Variants in EPHA6 observed in about 807,000 individuals in gnomAD.
EPHA6 encodes EPH receptor A6, also known as ephrin type-A receptor 6.
Under a neutral mutation model 112.0 loss-of-function variants are expected in EPHA6, and 50 were observed. The observed-to-expected ratio is 0.45, with a 90% CI of 0.36 to 0.56. The LOEUF is 0.56. Ranked by LOEUF, EPHA6 falls within the 20% of genes least tolerant of loss-of-function variation. The pLI is 0.00. For missense variants in EPHA6, 1,280 were observed against 1,417.4 expected (o/e 0.90, Z 1.56); for synonymous variants, 529 against 490.7 (o/e 1.08, Z -1.03).
Position 97,013,606 on chromosome 3 carries a change from G to A in EPHA6, c.1114+25613G>A, listed in dbSNP as rs1004010722. 7.6e-4 allele frequency among the ~76,000 whole-genome samples: 115 copies of A among 152,222 alleles called. 1 individual carries two copies. Among genetic ancestry groups the A allele is most frequent in the African/African-American group, 2.6e-3 (110 of 41,544 alleles). ...TTTATAATTGTGCTGTTGCTTATAT[G>A]AAGGGATGTACACTCACATGGAGGC... On this transcript the variant is annotated intron_variant, in intron 3 of 17. Transcript: ENST00000389672.
At chr3:97,177,790 T>A (rs1293404764) in intron 3 of EPHA6, among the ~76,000 whole-genome samples, 1 of 152,070 alleles carries the variant, frequency 6.6e-6, no homozygotes, top group Non-Finnish European at 1.5e-5. Flanking sequence ...TTGGTTTACA[T>A]TGGCATGGAA....
chr3:96,954,030 A>G (rs1411112696), intron 2 of EPHA6, among the ~76,000 whole-genome samples: 1 of 151,892 alleles, frequency 6.6e-6, no homozygotes, highest in Non-Finnish European at 1.5e-5. Context: ...GTGCCACCAC[A>G]CCTGGCTTAT....
intron 5 of EPHA6, among the ~76,000 whole-genome samples, chr3:97,357,366 C>G (rs1318187637): frequency 1.3e-5 from 2 of 152,046 alleles, no homozygotes; most frequent in Non-Finnish European, 2.9e-5. Context: ...GCCACCATGC[C>G]AAGCTAGTTT....
chr3:97,089,585 G>C (rs1265527974), intron 3 of EPHA6, among the ~76,000 whole-genome samples: 1 of 152,078 alleles, frequency 6.6e-6, no homozygotes, highest in African/African-American at 2.4e-5. Context: ...TCCACACATT[G>C]TTTTCAAAAG....
chr3:97,646,732 A>G (rs2094067604), intron 14 of EPHA6, among the ~76,000 whole-genome samples: 2 of 152,234 alleles, frequency 1.3e-5, no homozygotes, highest in African/African-American at 4.8e-5. Context: ...TGCACTGGGT[A>G]CCTATTTGCC....
intron 15 of EPHA6, among the ~76,000 whole-genome samples, chr3:97,725,472 G>T (rs185724785): frequency 6.6e-6 from 1 of 152,238 alleles, no homozygotes; most frequent in Non-Finnish European, 1.5e-5. Flanking sequence ...CAATGCAGTT[G>T]TGCTATCAGA....
chr3:97,476,547 T>C (rs1369260106), intron 8 of EPHA6, among the ~76,000 whole-genome samples: 1 of 152,128 alleles, frequency 6.6e-6, no homozygotes, highest in Non-Finnish European at 1.5e-5. Flanking sequence ...TAAAATTTAA[T>C]CTACTTAAAA....
chr3:97,309,256 C>T (rs574772767), intron 5 of EPHA6, among the ~76,000 whole-genome samples: 1 of 151,524 alleles, frequency 6.6e-6, no homozygotes, highest in East Asian at 1.9e-4. Flanking sequence ...TTATTTTTCC[C>T]CCAACACTGT....
chr3:97,277,651 A>G, intron 5 of EPHA6, among the ~76,000 whole-genome samples: 1 of 152,338 alleles, frequency 6.6e-6, no homozygotes, highest in Middle Eastern at 3.4e-3. Context: ...GGCAATTGTA[A>G]CACAATGGTA....
intron 12 of EPHA6, among the ~76,000 whole-genome samples, chr3:97,608,333 C>T (rs1338343255): frequency 6.6e-6 from 1 of 151,234 alleles, no homozygotes; most frequent in Non-Finnish European, 1.5e-5. Flanking sequence ...TGTATATTCA[C>T]ATAGATCAGA....
intron 6 of EPHA6, among the ~76,000 whole-genome samples, chr3:97,430,237 C>T (rs9289369): frequency 0.12 from 18,767 of 151,950 alleles, 3,715 homozygotes; most frequent in African/African-American, 0.41. Context: ...TTTTGACACC[C>T]TCATTCTTTG....
intron 3 of EPHA6, among the ~76,000 whole-genome samples, chr3:97,141,367 C>A (rs561002768): frequency 6.6e-6 from 1 of 151,946 alleles, no homozygotes; most frequent in Non-Finnish European, 1.5e-5. Context: ...ACCTATCAGC[C>A]GCAGAATATA....
Position 96,835,008 on chromosome 3 carries a change from A to G in EPHA6, c.385+20000A>G, listed in dbSNP as rs531829389. ...TTAGTCTTTATTTCATTCAGTCATC[A>G]CATCTGAACTAAGAAATAGTTCATG... On this transcript the variant is annotated intron_variant, in intron 1 of 17. Coordinates refer to ENST00000389672, the MANE Select transcript of EPHA6 (RefSeq NM_001080448.3). Among the ~76,000 whole-genome samples the G allele has an allele frequency of 3.9e-5, 6 of 152,204 alleles. No individual in the cohort carries two copies. The South Asian group carries it at 1.2e-3, about 32-fold the overall frequency.
At chr3:97,640,244 G>A (rs2093988960) in intron 14 of EPHA6, among the ~76,000 whole-genome samples, 1 of 152,104 alleles carries the variant, frequency 6.6e-6, no homozygotes, top group African/African-American at 2.4e-5. Flanking sequence ...AGGAAAGGTA[G>A]TCCAGATGGA....
At chr3:96,854,829 T>C (rs1351592728) in intron 1 of EPHA6, among the ~76,000 whole-genome samples, 1 of 152,162 alleles carries the variant, frequency 6.6e-6, no homozygotes, top group Non-Finnish European at 1.5e-5. Flanking sequence ...GGTTAGAAAG[T>C]CATATATTTG....
intron 10 of EPHA6, among the ~76,000 whole-genome samples, chr3:97,517,104 G>A (rs2092459545): frequency 6.6e-6 from 1 of 152,062 alleles, no homozygotes; most frequent in Non-Finnish European, 1.5e-5. Context: ...GTTGAAATGT[G>A]AAGACAGTTA....
intron 14 of EPHA6, among the ~76,000 whole-genome samples, chr3:97,681,990 T>C (rs569210595): frequency 2.0e-5 from 3 of 152,138 alleles, no homozygotes; most frequent in Non-Finnish European, 4.4e-5. Flanking sequence ...ATAGCCATTA[T>C]ATAAGCCTGC....
chr3:97,303,335 T>C (rs1276935666), intron 5 of EPHA6, among the ~76,000 whole-genome samples: 3 of 151,918 alleles, frequency 2.0e-5, no homozygotes, highest in Non-Finnish European at 4.4e-5. Context: ...AAGGGAAGGA[T>C]TTAAGGAAAA....
intron 3 of EPHA6, among the ~76,000 whole-genome samples, chr3:97,055,450 T>A (rs1313109696): frequency 2.0e-5 from 3 of 152,152 alleles, no homozygotes; most frequent in African/African-American, 7.2e-5. Context: ...ATGGTTTGTT[T>A]ATAGAAAGAT....
Sources: gnomAD v4.1 joint callset for allele counts (sites outside exome capture counted in the v4.1 genomes callset) on GRCh38, gnomAD v4.1.1 for gene constraint, MANE v1.5 for transcripts, NCBI Gene and HGNC (gene_info 2026-07-23, HGNC 2026-07-21) for gene names.